Variants in DCP2 observed in about 807,000 individuals in gnomAD.
The protein encoded by DCP2 is decapping mRNA 2, also known as m7GpppN-mRNA hydrolase.
In DCP2, 30 loss-of-function variants were observed where a neutral mutation model predicts 56.1. The ratio of observed to expected loss-of-function variants is 0.53; its 90% CI spans 0.40 to 0.73. The LOEUF (loss-of-function observed/expected upper bound fraction) is 0.73, where lower values mean the gene tolerates loss of function less well. DCP2 is among the 30% of genes least tolerant of loss of function. The pLI is 0.00. For synonymous variants in DCP2, 197 were observed against 163.3 expected, an observed-to-expected ratio of 1.21 and a Z score of -1.57; for missense variants, 533 against 502.7, an observed-to-expected ratio of 1.06 and a Z score of -0.58.
chr5:112,981,985 C>T (rs1748028713), intron 1 of DCP2, among the ~76,000 whole-genome samples: 1 of 152,156 alleles, frequency 6.6e-6, no homozygotes, highest in Non-Finnish European at 1.5e-5. Context: ...CCAGGCTGGT[C>T]TTGAACTCCT....
intron 1 of DCP2, among the ~76,000 whole-genome samples, chr5:112,982,732 T>A (rs997536512): frequency 6.6e-6 from 1 of 152,218 alleles, no homozygotes; most frequent in Non-Finnish European, 1.5e-5. Flanking sequence ...GGAATACTCT[T>A]TTAAATTTCT....
At chr5:112,999,837 G>A (rs1315404877) in intron 4 of DCP2, among the ~76,000 whole-genome samples, 5 of 151,340 alleles carry the variant, frequency 3.3e-5, no homozygotes, top group African/African-American at 4.8e-5. Flanking sequence ...AAGGCGGGTG[G>A]ATCACCTGAG....
At chr5:112,989,792 T>A (rs1403311054) in intron 2 of DCP2, among the ~76,000 whole-genome samples, 6 of 152,192 alleles carry the variant, frequency 3.9e-5, no homozygotes, top group Non-Finnish European at 8.8e-5. Flanking sequence ...AACAGTGAAC[T>A]GGGGGAAGGC....
intron 4 of DCP2, among the ~76,000 whole-genome samples, chr5:112,993,809 C>G (rs1468388824): frequency 1.3e-5 from 2 of 151,994 alleles, no homozygotes; most frequent in Non-Finnish European, 2.9e-5. Flanking sequence ...GTGTATAGGG[C>G]TTAAGTTTCT....
At chr5:112,980,306 A>G (rs1227169482) in intron 1 of DCP2, among the ~76,000 whole-genome samples, 2 of 152,220 alleles carry the variant, frequency 1.3e-5, no homozygotes, top group South Asian at 4.1e-4. Flanking sequence ...TTAAAAGAAG[A>G]AAGGTATTTT....
At chr5:113,000,993 T>G in intron 4 of DCP2, 91 bp from the exon 5 acceptor site, 1 of 1,252,926 alleles carries the variant, frequency 8.0e-7, no homozygotes, top group South Asian at 1.6e-5. Context: ...TCATGTCCCC[T>G]TTTTCTGAGT....
In DCP2 at chr5:113,000,933, CAT is replaced by C. The variant is rs1749148181; in HGVS notation, c.433-148_433-147del. On this transcript the variant is annotated intron_variant, in intron 4 of 10. Coordinates refer to ENST00000389063, the MANE Select transcript of DCP2 (RefSeq NM_152624.6). ...GGGCACAAGAACTTTTTTTACATCT[CAT>C]ATGCATTTCTGTACCAGCCTGTCAT... 5.1e-6 allele frequency: 4 copies of C among 789,304 alleles called. 1 individual carries two copies. The highest frequency in any genetic ancestry group is 1.8e-5 in the African/African-American group (1 of 57,000). The allele number at this position is 789,304 out of a possible 1,614,324, so 48.9% of individuals were successfully genotyped here.
chr5:112,977,070 C>A, intron 1 of DCP2, 84 bp downstream of exon 1: 1 of 1,073,696 alleles, frequency 9.3e-7, no homozygotes, highest in Non-Finnish European at 1.3e-6. Flanking sequence ...TCTTCTTCCC[C>A]GCCCACGTCC....
At position 112,997,622 on chromosome 5, in the gene DCP2, T is replaced by G. The variant is rs1748926099; in HGVS notation, c.433-3462T>G. ...TTTTCTTTTTCTTTTTCTTTTTTTT[T>G]TTTTTGAGACGGAGTCTTGTTCTGT... On this transcript the variant is annotated intron_variant, in intron 4 of 10. Transcript: ENST00000389063. 2.0e-5 allele frequency among the ~76,000 whole-genome samples: 3 copies of G among 151,610 alleles called. No homozygotes were observed. In the South Asian group the frequency reaches 6.3e-4, roughly 32 times the overall value.
intron 10 of DCP2, among the ~76,000 whole-genome samples, chr5:113,012,625 T>A (rs1207268142): frequency 6.6e-6 from 1 of 152,072 alleles, no homozygotes; most frequent in East Asian, 1.9e-4. Flanking sequence ...AAATTTGGAT[T>A]TTTCTTTTTT....
Position 112,976,822 on chromosome 5 carries a change from G to T in DCP2, c.-112G>T. 2 of 1,105,096 alleles carry T rather than the reference G, an allele frequency of 1.8e-6. No homozygotes were observed. The highest frequency in any genetic ancestry group is 2.8e-6 in the Non-Finnish European group (2 of 715,114). 68.5% of individuals were successfully genotyped at this position (1,105,096 alleles called of 1,614,324 possible). On this transcript the variant is annotated 5_prime_UTR_variant, in exon 1 of 11. Transcript: ENST00000389063. Reference sequence around the variant, plus strand: ...TCTCGTCTCCGTTGGAGTCGTCTCTGCCGCGGCTTCCTCGGCTGCCAGCTC... The same window carrying T: ...TCTCGTCTCCGTTGGAGTCGTCTCTTCCGCGGCTTCCTCGGCTGCCAGCTC...
chr5:112,989,246 G>A (rs762603190), intron 2 of DCP2, among the ~76,000 whole-genome samples: 1 of 152,176 alleles, frequency 6.6e-6, no homozygotes, highest in Non-Finnish European at 1.5e-5. Context: ...TTGGCCACTC[G>A]AAAATCTTGG....
intron 1 of DCP2, among the ~76,000 whole-genome samples, chr5:112,981,895 C>G (rs1252417061): frequency 2.6e-5 from 4 of 152,094 alleles, no homozygotes; most frequent in Admixed American, 2.6e-4. Context: ...CTCATCCTCC[C>G]GAGTAGCTGG....
In DCP2 at chr5:112,989,404, T is replaced by TAA. The variant is rs139525293; in HGVS notation, c.206-2717_206-2716insAA. Reference sequence around the variant, plus strand: ...TGGCACAGTGATCAATAAATGTTAATGTAATAAATGTTAACTATTACTCCA... The same window carrying TAA: ...TGGCACAGTGATCAATAAATGTTAATAAGTAATAAATGTTAACTATTACTCCA... On this transcript the variant is annotated intron_variant, in intron 2 of 10. Coordinates refer to ENST00000389063, the MANE Select transcript of DCP2 (RefSeq NM_152624.6). Among the ~76,000 whole-genome samples, 1,341 of 151,718 alleles carry TAA rather than the reference T, an allele frequency of 8.8e-3. 19 individuals are homozygous for TAA. The highest frequency in any genetic ancestry group is 0.031 in the African/African-American group (1,298 of 41,280).
At chr5:112,978,941 G>A (rs572167102) in intron 1 of DCP2, among the ~76,000 whole-genome samples, 1 of 152,316 alleles carries the variant, frequency 6.6e-6, no homozygotes, top group Admixed American at 6.5e-5. Context: ...AGACATCAGA[G>A]CTAGTCTTCC....
intron 1 of DCP2, chr5:112,984,703 A>AAAAATATATATATAT: frequency 2.2e-4 from 14 of 64,848 alleles, no homozygotes; most frequent in African/African-American, 7.1e-4. Flanking sequence ...AAAAAAAAAA[A>AAAAATATATATATAT]ATATATATAT....
chr5:112,988,807 G>T (rs1442899256), intron 2 of DCP2, among the ~76,000 whole-genome samples: 1 of 152,202 alleles, frequency 6.6e-6, no homozygotes, highest in Admixed American at 6.5e-5. Context: ...ACGTAACTAA[G>T]ATAACCAAGT....
intron 4 of DCP2, among the ~76,000 whole-genome samples, chr5:112,993,166 A>T (rs1748675712): frequency 1.3e-5 from 2 of 152,208 alleles, no homozygotes; most frequent in African/African-American, 4.8e-5. Flanking sequence ...TTTGTTGCTG[A>T]AAACCCAGTA....
chr5:113,003,069 G>A (rs1428444111), intron 7 of DCP2, among the ~76,000 whole-genome samples: 2 of 152,110 alleles, frequency 1.3e-5, no homozygotes, highest in Non-Finnish European at 2.9e-5. Context: ...TAAATCAGTA[G>A]CATTCCATTT....
Sources: gnomAD v4.1 joint callset for allele counts (sites outside exome capture counted in the v4.1 genomes callset) on GRCh38, gnomAD v4.1.1 for gene constraint, MANE v1.5 for transcripts, NCBI Gene and HGNC (gene_info 2026-07-23, HGNC 2026-07-21) for gene names.